Variants in ZEB2 observed in about 807,000 individuals in gnomAD.
The protein encoded by ZEB2 is zinc finger E-box binding homeobox 2, also known as zinc finger E-box-binding homeobox 2.
In ZEB2, 6 loss-of-function variants were observed where a neutral mutation model predicts 99.9. The ratio of observed to expected loss-of-function variants is 0.06; its 90% CI spans 0.03 to 0.12. The LOEUF (loss-of-function observed/expected upper bound fraction) is 0.12, where lower values mean the gene tolerates loss of function less well. Among genes scored for constraint, ZEB2 ranks in the 10% least tolerant of loss-of-function variants. The probability of loss-of-function intolerance (pLI) is 1.00; values close to 1 mark genes in which losing one functional copy is unlikely to be tolerated. For synonymous variants in ZEB2, 517 were observed against 542.5 expected (o/e 0.95, Z 0.65); for missense variants, 969 against 1,502.8 (o/e 0.64, Z 5.87).
At chr2:144,509,289 C>G (rs1482172150) in intron 2 of ZEB2, among the ~76,000 whole-genome samples, 1 of 152,188 alleles carries the variant, frequency 6.6e-6, no homozygotes, top group Non-Finnish European at 1.5e-5. Flanking sequence ...TGCAAACAGA[C>G]TCCCACTTTC....
chr2:144,418,512 A>T (rs1281350869), intron 4 of ZEB2, among the ~76,000 whole-genome samples: 2 of 151,926 alleles, frequency 1.3e-5, no homozygotes, highest in Non-Finnish European at 2.9e-5. Context: ...ACATGACAAA[A>T]CCCCATCTCT....
At chr2:144,394,895 A>G in intron 9 of ZEB2, among the ~76,000 whole-genome samples, 1 of 152,066 alleles carries the variant, frequency 6.6e-6, no homozygotes, top group Admixed American at 6.5e-5. Context: ...GATGATGAGT[A>G]CGAGTACTTC....
chr2:144,391,688 A>G (rs1703156183), intron 9 of ZEB2, among the ~76,000 whole-genome samples: 1 of 152,196 alleles, frequency 6.6e-6, no homozygotes, highest in South Asian at 2.1e-4. Flanking sequence ...CTCCCGGGAA[A>G]CTTCATGTCA....
chr2:144,436,511 G>A (rs1703839503), intron 2 of ZEB2, among the ~76,000 whole-genome samples: 1 of 152,166 alleles, frequency 6.6e-6, no homozygotes, highest in South Asian at 2.1e-4. Context: ...TGGTTGCAGT[G>A]GAGAGAGGCC....
intron 3 of ZEB2, 134 bp downstream of exon 3, chr2:144,429,635 T>C: frequency 7.3e-7 from 1 of 1,372,710 alleles, no homozygotes; most frequent in Non-Finnish European, 1.0e-6. Flanking sequence ...CCAGCTTTGG[T>C]ATCTCTATTC....
chr2:144,504,041 A>G (rs939460727), intron 2 of ZEB2: 1 of 149,328 alleles, frequency 6.7e-6, no homozygotes, highest in Admixed American at 6.8e-5. Context: ...AACCTGGTAA[A>G]GAGAGGGATT....
chr2:144,512,689 T>A, intron 2 of ZEB2: 1 of 1,287,232 alleles, frequency 7.8e-7, no homozygotes, highest in South Asian at 1.2e-5. Context: ...ACCAGCAGCC[T>A]ACTGGCTCTG....
intron 2 of ZEB2, among the ~76,000 whole-genome samples, chr2:144,507,748 C>T (rs1269564453): frequency 2.0e-5 from 3 of 152,190 alleles, no homozygotes; most frequent in African/African-American, 7.2e-5. Flanking sequence ...TCTTCCTTCT[C>T]CTTTCTCTTT....
chr2:144,484,943 C>T (rs10193095), intron 2 of ZEB2, among the ~76,000 whole-genome samples: 4,081 of 152,246 alleles, frequency 0.027, 198 homozygotes, highest in African/African-American at 0.088. Context: ...ACTCACCACC[C>T]GGGCATACTG....
intron 2 of ZEB2, among the ~76,000 whole-genome samples, chr2:144,440,423 T>C (rs1291837123): frequency 2.0e-5 from 3 of 150,966 alleles, no homozygotes; most frequent in Non-Finnish European, 4.4e-5. Flanking sequence ...ATTTGTTAAA[T>C]ACTTAAATCC....
chr2:144,397,539 G>A (rs1009951099), intron 8 of ZEB2, among the ~76,000 whole-genome samples: 4 of 152,174 alleles, frequency 2.6e-5, no homozygotes, highest in African/African-American at 9.7e-5. Context: ...GTGAAATATG[G>A]AAGATATTTT....
chr2:144,480,734 AAAAAAAG>A (rs1421925595), intron 2 of ZEB2, among the ~76,000 whole-genome samples: 629 of 23,210 alleles, frequency 0.027, 3 homozygotes, highest in African/African-American at 0.05. Context: ...GTTAAAAAAA[AAAAAAAG>A]AAAAAAAAGG....
At position 144,404,840 on chromosome 2, in the gene ZEB2, T is replaced by G; in HGVS notation, c.588A>C (p.Glu196Asp). The change falls in exon 5 of 10, where the codon GAA becomes GAC. Residue 196 changes from glutamate (E) to aspartate (D), a missense_variant. Glu to Asp is a conservative substitution (Grantham distance 45, BLOSUM62 2). Coordinates refer to ENST00000627532, the MANE Select transcript of ZEB2 (RefSeq NM_014795.4). Reference protein sequence around the residue: ...LGTPEANGQEENDLPPGTPDA... With the variant: ...LGTPEANGQEDNDLPPGTPDA... The stretch of plus-strand genomic sequence containing the variant: ...AAAAATGATTTACAGCCTCACCATT[T>G]TCTTCTTGCCCATTGGCCTCTGGCG... 6.2e-7 allele frequency: 1 copy of G among 1,613,988 alleles called. No individual in the cohort carries two copies. Among genetic ancestry groups the G allele is most frequent in the Non-Finnish European group, 8.5e-7 (1 of 1,179,928 alleles).
At chr2:144,401,176 G>A in intron 7 of ZEB2, 23 bp downstream of exon 7, 1 of 1,602,128 alleles carries the variant, frequency 6.2e-7, no homozygotes, top group Non-Finnish European at 8.6e-7. Flanking sequence ...GCAAATGCGA[G>A]CTCCAGCACC....
chr2:144,414,972 ATATG>A (rs1391886712), intron 4 of ZEB2, among the ~76,000 whole-genome samples: 3 of 131,780 alleles, frequency 2.3e-5, no homozygotes, highest in Non-Finnish European at 4.9e-5. Flanking sequence ...GTGTGTTTGT[ATATG>A]TGTGTGTAGA....
intron 7 of ZEB2, among the ~76,000 whole-genome samples, chr2:144,400,579 T>C (rs920491475): frequency 6.6e-6 from 1 of 152,228 alleles, no homozygotes; most frequent in Admixed American, 6.5e-5. Context: ...GTGTGGTCAA[T>C]AGCACAATAA....
intron 2 of ZEB2, among the ~76,000 whole-genome samples, chr2:144,466,289 C>G (rs1222471888): frequency 6.6e-6 from 1 of 152,078 alleles, no homozygotes; most frequent in Non-Finnish European, 1.5e-5. Flanking sequence ...ACTACTTTTT[C>G]TAACGTCAGA....
At chr2:144,421,987 T>G (rs1352482043) in intron 4 of ZEB2, among the ~76,000 whole-genome samples, 1 of 152,240 alleles carries the variant, frequency 6.6e-6, no homozygotes, top group Admixed American at 6.5e-5. Context: ...AAATAGCAAG[T>G]ACTGCTATAT....
chr2:144,479,682 T>TGGGGGGGGGGGGGGG (rs140945730), intron 2 of ZEB2, among the ~76,000 whole-genome samples: 1 of 29,850 alleles, frequency 3.4e-5, no homozygotes, highest in Non-Finnish European at 8.0e-5. Flanking sequence ...CTACTTTTTT[T>TGGGGGGGGGGGGGGG]TGGGGGGGGG....
Sources: allele counts gnomAD v4.1 joint callset (sites outside exome capture counted in the v4.1 genomes callset), GRCh38; gene constraint gnomAD v4.1.1; transcripts MANE v1.5; gene names NCBI Gene and HGNC (gene_info 2026-07-23, HGNC 2026-07-21).